NGEF: variants seen among roughly 807,000 people sequenced by gnomAD.
NGEF encodes the protein ephexin-1.
A neutral mutation model predicts 80.9 loss-of-function variants in NGEF; 31 were observed. The ratio of observed to expected loss-of-function variants is 0.38; its 90% CI spans 0.29 to 0.52. NGEF has a LOEUF of 0.52. Ranked by LOEUF, NGEF falls within the 20% of genes least tolerant of loss-of-function variation. The pLI, the probability that NGEF is intolerant of heterozygous loss-of-function variation, is 0.84. For synonymous variants in NGEF, 371 were observed against 370.2 expected (o/e 1.00, Z -0.03); for missense variants, 709 against 926.2 (o/e 0.77, Z 3.04).
chr2:232,916,993 C>T lies in NGEF; in HGVS notation c.828+3291G>A, dbSNP rs548100109. ...GCGCTCAGGGCAGAGGCCACCTGCC[C>T]GCCTCTCTCCCCATCTGGTGAGGAT... On this transcript the variant is annotated intron_variant, in intron 5 of 14. Coordinates refer to ENST00000264051, the MANE Select transcript of NGEF (RefSeq NM_019850.3). Among the ~76,000 whole-genome samples the T allele has an allele frequency of 9.8e-4, 150 of 152,336 alleles. 1 individual carries two copies. In the South Asian group the frequency reaches 0.03, roughly 30 times the overall value.
chr2:232,905,544 C>T (rs1692484275), intron 5 of NGEF: 12 of 279,008 alleles, frequency 4.3e-5, no homozygotes, highest in South Asian at 2.5e-4. Context: ...AAGTGAGGAG[C>T]GTCTCTGCCT....
chr2:232,917,244 A>G (rs1049089887), intron 5 of NGEF, among the ~76,000 whole-genome samples: 4 of 152,214 alleles, frequency 2.6e-5, no homozygotes, highest in African/African-American at 4.8e-5. Flanking sequence ...AGTGGAAAAC[A>G]CTGTAAAAAT....
intron 5 of NGEF, among the ~76,000 whole-genome samples, chr2:232,907,705 A>G (rs1692600122): frequency 6.6e-6 from 1 of 151,950 alleles, no homozygotes; most frequent in Non-Finnish European, 1.5e-5. Context: ...AAAAATCTTT[A>G]TTTTCTATGC....
At chr2:232,935,567 G>A (rs923689077) in intron 3 of NGEF, among the ~76,000 whole-genome samples, 1 of 151,948 alleles carries the variant, frequency 6.6e-6, no homozygotes, top group Non-Finnish European at 1.5e-5. Context: ...ACAGTGAGCG[G>A]AGATCACACC....
At chr2:232,931,739 G>T (rs769442912) in intron 3 of NGEF, among the ~76,000 whole-genome samples, 1 of 152,156 alleles carries the variant, frequency 6.6e-6, no homozygotes, top group Non-Finnish European at 1.5e-5. Context: ...CAAAATGAAG[G>T]AAGGAAGATT....
At chr2:232,899,796 T>TCA (rs57484693) in intron 5 of NGEF, among the ~76,000 whole-genome samples, 52,499 of 119,266 alleles carry the variant, frequency 0.44, 12,795 homozygotes, top group African/African-American at 0.49. Flanking sequence ...TCACATTCAC[T>TCA]CACACACACG....
At chr2:232,884,706 T>A (rs763988481) in intron 10 of NGEF, among the ~76,000 whole-genome samples, 1 of 152,146 alleles carries the variant, frequency 6.6e-6, no homozygotes, top group Non-Finnish European at 1.5e-5. Context: ...CAGCCATCGG[T>A]CAGCACCGTG....
intron 1 of NGEF, among the ~76,000 whole-genome samples, chr2:232,987,830 C>T (rs1366358665): frequency 4.6e-5 from 7 of 152,196 alleles, no homozygotes; most frequent in Non-Finnish European, 1.5e-5. Context: ...TTCTCCATGG[C>T]CTTTGGAGCA....
chr2:232,948,832 A>G (rs1574630619), intron 3 of NGEF, among the ~76,000 whole-genome samples: 1 of 152,122 alleles, frequency 6.6e-6, no homozygotes, highest in African/African-American at 2.4e-5. Flanking sequence ...CGCCTGGCCA[A>G]CATGGTGAAA....
At chr2:232,965,338 G>C (rs1215566776) in intron 3 of NGEF, among the ~76,000 whole-genome samples, 1 of 152,182 alleles carries the variant, frequency 6.6e-6, no homozygotes, top group East Asian at 1.9e-4. Context: ...AATGGATAAA[G>C]AAATTGGGAA....
intron 1 of NGEF, among the ~76,000 whole-genome samples, chr2:233,001,710 C>A (rs1019638366): frequency 1.3e-5 from 2 of 152,190 alleles, no homozygotes; most frequent in East Asian, 3.9e-4. Context: ...GAAACCCCAA[C>A]TCTATTAAAA....
chr2:232,955,422 A>G (rs917738574), intron 3 of NGEF, among the ~76,000 whole-genome samples: 1 of 152,170 alleles, frequency 6.6e-6, no homozygotes, highest in Non-Finnish European at 1.5e-5. Context: ...CCTTTAGAGT[A>G]AAAAGACCCA....
At chr2:232,970,101 T>A in intron 3 of NGEF, 113 bp downstream of exon 3, 1 of 488,946 alleles carries the variant, frequency 2.0e-6, no homozygotes, top group East Asian at 3.6e-5. Flanking sequence ...CAACCAAAAG[T>A]TATTATTATT....
intron 5 of NGEF, among the ~76,000 whole-genome samples, chr2:232,913,382 AG>A (rs1477694177): frequency 1.3e-5 from 2 of 152,168 alleles, no homozygotes; most frequent in Non-Finnish European, 2.9e-5. Context: ...CAGTGTGTTA[AG>A]GAGAGTTATG....
At chr2:232,979,146 C>A (rs1322956397) in intron 1 of NGEF, among the ~76,000 whole-genome samples, 1 of 152,066 alleles carries the variant, frequency 6.6e-6, no homozygotes, top group African/African-American at 2.4e-5. Flanking sequence ...TCAGGCAAGT[C>A]AGGGCCTCAG....
chr2:232,894,618 T>C (rs1000043556), intron 6 of NGEF, 138 bp downstream of exon 6: 4 of 936,322 alleles, frequency 4.3e-6, no homozygotes, highest in East Asian at 5.4e-5. Context: ...TCTTCATTTA[T>C]TTATATTTTA....
Position 232,892,764 on chromosome 2 carries a change from T to A in NGEF, c.1142+134A>T. On this transcript the variant is annotated intron_variant, in intron 7 of 14. Coordinates refer to ENST00000264051, the MANE Select transcript of NGEF (RefSeq NM_019850.3). This position sits in a 1 kb window ranked among gnomAD's most constrained non-coding sequence, Gnocchi z 4.0. ...CACCAGTATCCCTGGCCAACTCCGG[T>A]GGCTCATGTGGACCTTGGGAACGCA... 9 of 954,028 alleles carry A rather than the reference T, an allele frequency of 9.4e-6. No individual in the cohort carries two copies. Among genetic ancestry groups the A allele is most frequent in the Non-Finnish European group, 1.3e-5 (8 of 630,948 alleles). 59.1% of individuals were successfully genotyped at this position (954,028 alleles called of 1,614,324 possible).
intron 4 of NGEF, among the ~76,000 whole-genome samples, chr2:232,924,277 G>A (rs1470631556): frequency 6.6e-6 from 1 of 152,084 alleles, no homozygotes. Flanking sequence ...AAAAAGCTGT[G>A]GAAGGCAGCC....
At chr2:232,883,941 C>T (rs1559189772) in intron 11 of NGEF, 40 bp downstream of exon 11, 1 of 1,567,186 alleles carries the variant, frequency 6.4e-7, no homozygotes, top group Non-Finnish European at 8.6e-7. Context: ...ACACACTCCT[C>T]TACCCACCGG....
Sources: allele counts gnomAD v4.1 joint callset (sites outside exome capture counted in the v4.1 genomes callset), GRCh38; gene constraint gnomAD v4.1.1; non-coding constraint Gnocchi (gnomAD v3.1); transcripts MANE v1.5; gene names NCBI Gene and HGNC (gene_info 2026-07-23, HGNC 2026-07-21).